Variants in BCR observed in about 807,000 individuals in gnomAD.
BCR encodes BCR activator of RhoGEF and GTPase, also known as breakpoint cluster region protein.
A neutral mutation model predicts 138.6 loss-of-function variants in BCR; 58 were observed. That is an observed-to-expected ratio of 0.42 (90% CI 0.34 to 0.52). The LOEUF is 0.52. BCR is among the 20% of genes least tolerant of loss of function. BCR has a pLI of 0.06. For missense variants in BCR, 1,599 were observed against 1,727.2 expected (o/e 0.93, Z 1.32); for synonymous variants, 786 against 730.1 (o/e 1.08, Z -1.23).
rs1325452447 is a variant in BCR at position 23,202,747 on chromosome 22, G to GTGTA, written c.1279+20509_1279+20510insGTAT. 5.5e-4 allele frequency among the ~76,000 whole-genome samples: 80 copies of GTGTA among 145,244 alleles called. 1 individual carries two copies. The highest frequency in any genetic ancestry group is 1.8e-3 in the African/African-American group (69 of 37,718). ...TGTGTGTGTGTGTGTGTGTGTGTGT[G>GTGTA]TATATATATATATATTTAATCTATC... On this transcript the variant is annotated intron_variant, in intron 1 of 22. Coordinates refer to ENST00000305877, the MANE Select transcript of BCR (RefSeq NM_004327.4).
At position 23,243,883 on chromosome 22, in the gene BCR, C is replaced by A. The variant is rs148318552; in HGVS notation, c.1280-9916C>A. Among the ~76,000 whole-genome samples the A allele has an allele frequency of 2.0e-5, 3 of 152,200 alleles. No individual in the cohort carries two copies. In the East Asian group the frequency reaches 5.8e-4, roughly 29 times the overall value. On this transcript the variant is annotated intron_variant, in intron 1 of 22. Transcript: ENST00000305877. ...GTCTTGAACTCCTGACCTTGTGATC[C>A]GCCTGCCTCAGCCTCCCAAAGTTGC...
intron 8 of BCR, among the ~76,000 whole-genome samples, chr22:23,280,098 C>A (rs369350241): frequency 3.3e-5 from 5 of 152,244 alleles, no homozygotes; most frequent in African/African-American, 1.2e-4. Flanking sequence ...CGCAAAGGCC[C>A]CACCTCCAGA....
intron 1 of BCR, among the ~76,000 whole-genome samples, chr22:23,244,077 T>C (rs1230414255): frequency 6.6e-6 from 1 of 152,222 alleles, no homozygotes; most frequent in African/African-American, 2.4e-5. Context: ...CTTGTGGTAC[T>C]GAGCCCTTAA....
intron 1 of BCR, among the ~76,000 whole-genome samples, chr22:23,204,643 C>T (rs1418509196): frequency 6.6e-6 from 1 of 152,186 alleles, no homozygotes. Context: ...AACCAGGACA[C>T]TGCTTTGCTG....
chr22:23,244,448 C>T (rs1449289380), intron 1 of BCR, among the ~76,000 whole-genome samples: 4 of 152,168 alleles, frequency 2.6e-5, no homozygotes, highest in Admixed American at 6.5e-5. Flanking sequence ...CCCTCTCCTC[C>T]GTTAGGTCCT....
chr22:23,313,150 C>T (rs886864847), intron 20 of BCR, 129 bp downstream of exon 20: 4 of 1,210,328 alleles, frequency 3.3e-6, no homozygotes, highest in Non-Finnish European at 4.6e-6. Flanking sequence ...CATTTTAACC[C>T]AACCTCAAAA....
intron 11 of BCR, among the ~76,000 whole-genome samples, chr22:23,287,739 A>G (rs1244177113): frequency 6.6e-6 from 1 of 152,120 alleles, no homozygotes; most frequent in Admixed American, 6.5e-5. Context: ...CAGAAGCCTC[A>G]CCTCTGGGCT....
Position 23,303,672 on chromosome 22 carries a change from A to G in BCR, c.3013-5752A>G, listed in dbSNP as rs889983110. Among the ~76,000 whole-genome samples, 12 of 152,242 alleles carry G rather than the reference A, an allele frequency of 7.9e-5. 2 individuals are homozygous for G. Among genetic ancestry groups the G allele is most frequent in the Admixed American group, 7.8e-4 (12 of 15,290 alleles). On this transcript the variant is annotated intron_variant, in intron 16 of 22. Transcript: ENST00000305877. ...GATATGAAGATGTAAACATCATGAA[A>G]ATGTAAGATCACATGAGCAAATTCT...
intron 12 of BCR, 84 bp downstream of exon 12, chr22:23,288,256 T>C: frequency 4.4e-6 from 6 of 1,371,882 alleles, no homozygotes; most frequent in Middle Eastern, 1.8e-4. Context: ...AACCTTCTTT[T>C]TTATTTCGAG....
rs1054507652 is a variant in BCR at position 23,182,858 on chromosome 22, C to T, written c.1279+619C>T. Among the ~76,000 whole-genome samples, 5 of 152,204 alleles carry T rather than the reference C, an allele frequency of 3.3e-5. No homozygotes were observed. In the South Asian group the frequency reaches 1.0e-3, roughly 32 times the overall value. On this transcript the variant is annotated intron_variant, in intron 1 of 22. Transcript: ENST00000305877. ...GAAGTGAGGCGACAGGCAGTTGTGA[C>T]TCAGTGGGCCACCGAAAATCAACTG...
chr22:23,234,141 A>G (rs573447915), intron 1 of BCR, among the ~76,000 whole-genome samples: 57 of 152,296 alleles, frequency 3.7e-4, no homozygotes, highest in African/African-American at 1.4e-3. Flanking sequence ...GACAGCAAAC[A>G]GAAATTCTAT....
At chr22:23,191,265 T>C (rs1309876934) in intron 1 of BCR, among the ~76,000 whole-genome samples, 2 of 152,212 alleles carry the variant, frequency 1.3e-5, no homozygotes, top group East Asian at 3.8e-4. Flanking sequence ...ACTTTTTCCA[T>C]CTCTTTTCTG....
At chr22:23,252,427 C>CCTT (rs2073240109) in intron 1 of BCR, among the ~76,000 whole-genome samples, 1 of 119,496 alleles carries the variant, frequency 8.4e-6, no homozygotes, top group African/African-American at 3.5e-5. Flanking sequence ...TTTTTCTTTT[C>CCTT]TTTTCTTTTT....
intron 4 of BCR, chr22:23,264,483 T>G (rs1190362251): frequency 1.7e-6 from 1 of 590,928 alleles, no homozygotes; most frequent in African/African-American, 1.9e-5. Flanking sequence ...GTGACCCCAG[T>G]GCTCAGGCAC....
intron 16 of BCR, among the ~76,000 whole-genome samples, chr22:23,307,242 C>T (rs2073960844): frequency 6.6e-6 from 1 of 152,052 alleles, no homozygotes; most frequent in South Asian, 2.1e-4. Context: ...ACTGCAGGCA[C>T]ATGCCACCAT....
Position 23,181,306 on chromosome 22 carries a change from C to A in BCR, c.346C>A (p.Arg116=). The part of the protein sequence containing the change: ...DPPPAEEPEA[R]PDGEGSPGKA... ...GCCGCCCGCCGAGGAGCCCGAGGCC[C>A]GGCCCGACGGCGAGGGTTCTCCGGG... The change falls in exon 1 of 23, where the codon CGG becomes AGG. Residue 116 remains arginine (R), a synonymous_variant. Transcript: ENST00000305877. 4.4e-6 allele frequency: 6 copies of A among 1,359,974 alleles called. No individual in the cohort carries two copies. In the South Asian group the frequency reaches 9.0e-5, roughly 20 times the overall value. The allele number at this position is 1,359,974 out of a possible 1,614,324, so 84.2% of individuals were successfully genotyped here.
chr22:23,235,539 C>T (rs2073013648), intron 1 of BCR, among the ~76,000 whole-genome samples: 1 of 109,616 alleles, frequency 9.1e-6, no homozygotes, highest in African/African-American at 2.7e-5. Flanking sequence ...CCATGTGTTC[C>T]ACGGCATAAT....
At chr22:23,218,759 C>T (rs1455133037) in intron 1 of BCR, among the ~76,000 whole-genome samples, 5 of 152,214 alleles carry the variant, frequency 3.3e-5, no homozygotes, top group African/African-American at 9.6e-5. Context: ...GCCTGCCCTC[C>T]GATGCTGGTG....
chr22:23,253,144 A>T (rs944787530), intron 1 of BCR, among the ~76,000 whole-genome samples: 2 of 152,140 alleles, frequency 1.3e-5, no homozygotes, highest in Admixed American at 1.3e-4. Flanking sequence ...AGCCATATGG[A>T]GGAGGTGCAC....
Sources: gnomAD v4.1 joint callset for allele counts (sites outside exome capture counted in the v4.1 genomes callset) on GRCh38, gnomAD v4.1.1 for gene constraint, MANE v1.5 for transcripts, NCBI Gene and HGNC (gene_info 2026-07-23, HGNC 2026-07-21) for gene names.